Variants in PCDHGA6 observed in about 807,000 individuals in gnomAD.
PCDHGA6 encodes the protein protocadherin gamma subfamily A, 6.
In PCDHGA6, 41 loss-of-function variants were observed where a neutral mutation model predicts 60.6. The ratio of observed to expected loss-of-function variants is 0.68; its 90% CI spans 0.53 to 0.88. PCDHGA6 has a LOEUF of 0.88. Ranked by LOEUF, PCDHGA6 falls within the 40% of genes least tolerant of loss-of-function variation. The pLI is 0.00. For synonymous variants in PCDHGA6, 594 were observed against 524.4 expected (o/e 1.13, Z -1.81); for missense variants, 1,312 against 1,203.0 (o/e 1.09, Z -1.34).
chr5:141,490,833 G>C lies in PCDHGA6; in HGVS notation c.2425-3974G>C, dbSNP rs781529579. ...ACTATGAATTGCTGCAGATGCTGCA[G>C]ATTGTGGTGGGGGTTCGAGACTCCG... On this transcript the variant is annotated intron_variant, in intron 1 of 3. Coordinates refer to ENST00000517434, the MANE Select transcript of PCDHGA6 (RefSeq NM_018919.3). This position sits in a 1 kb window ranked among gnomAD's most constrained non-coding sequence, Gnocchi z 5.4. The C allele has an allele frequency of 6.2e-7, 1 of 1,613,932 alleles. No homozygotes were observed. Among genetic ancestry groups the C allele is most frequent in the East Asian group, 2.2e-5 (1 of 44,884 alleles).
chr5:141,377,736 G>A (rs1308540994), intron 1 of PCDHGA6: 1 of 152,060 alleles, frequency 6.6e-6, no homozygotes, highest in African/African-American at 2.4e-5. Flanking sequence ...AAGAATCATT[G>A]GTAACTGCAG....
chr5:141,510,613 C>T (rs559713771), intron 3 of PCDHGA6, among the ~76,000 whole-genome samples: 17 of 152,298 alleles, frequency 1.1e-4, no homozygotes, highest in Admixed American at 2.0e-4. Context: ...TTAGCATTCA[C>T]TAAAACCAGA....
intron 1 of PCDHGA6, chr5:141,404,933 A>C (rs2094586796): frequency 6.2e-7 from 1 of 1,613,764 alleles, no homozygotes; most frequent in Non-Finnish European, 8.5e-7. Flanking sequence ...TGTCACGCTC[A>C]CAGTAGCCAT....
chr5:141,417,910 A>G (rs1339671115), intron 1 of PCDHGA6: 2 of 1,599,246 alleles, frequency 1.3e-6, no homozygotes, highest in East Asian at 2.3e-5. Flanking sequence ...GGCAGGTACT[A>G]TTTCCTTTGC....
chr5:141,427,320 G>A (rs920149276), intron 1 of PCDHGA6: 5 of 456,968 alleles, frequency 1.1e-5, no homozygotes, highest in Non-Finnish European at 1.8e-5. Context: ...CCCAGACGTG[G>A]TTTTTACTTC....
At chr5:141,469,314 C>A (rs982242861) in intron 1 of PCDHGA6, among the ~76,000 whole-genome samples, 1 of 151,982 alleles carries the variant, frequency 6.6e-6, no homozygotes, top group Non-Finnish European at 1.5e-5. Flanking sequence ...CGATGGCTCA[C>A]GCCTGTAATC....
chr5:141,421,926 C>T, intron 1 of PCDHGA6: 1 of 1,613,460 alleles, frequency 6.2e-7, no homozygotes, highest in Non-Finnish European at 8.5e-7. Context: ...GTGTGGTGGT[C>T]CTCGATGTAA....
Position 141,494,802 on chromosome 5 carries a change from C to T in PCDHGA6, c.2425-5C>T. 5 of 1,614,120 alleles carry T rather than the reference C, an allele frequency of 3.1e-6. No individual in the cohort carries two copies. The highest frequency in any genetic ancestry group is 4.2e-6 in the Non-Finnish European group (5 of 1,180,016). ...TCAGCCCCTTTCCCTCTGTTTTCTC[C>T]ACAGCAAGCCCCGCCCAACACGGAC... is the stretch of plus-strand genomic sequence containing the variant. On this transcript the variant is annotated splice_polypyrimidine_tract_variant and splice_region_variant and intron_variant, in intron 1 of 3. Transcript: ENST00000517434.
chr5:141,478,774 G>T (rs1019315910), intron 1 of PCDHGA6: 1 of 1,496,268 alleles, frequency 6.7e-7, no homozygotes, highest in African/African-American at 1.4e-5. Flanking sequence ...ACTCATCTGT[G>T]GACCTAATTC....
At chr5:141,394,989 C>T in intron 1 of PCDHGA6, 1 of 1,614,030 alleles carries the variant, frequency 6.2e-7, no homozygotes. Flanking sequence ...ACGCCTGCTC[C>T]AGGATTCCGG....
intron 1 of PCDHGA6, chr5:141,389,441 C>T: frequency 6.2e-7 from 1 of 1,610,584 alleles, no homozygotes; most frequent in South Asian, 1.1e-5. Context: ...GCGCCTTCGA[C>T]CACGAGCAGC....
chr5:141,474,847 GCCTTCT>G (rs906863967), intron 1 of PCDHGA6, among the ~76,000 whole-genome samples: 3 of 152,198 alleles, frequency 2.0e-5, no homozygotes, highest in African/African-American at 7.2e-5. Context: ...CACTTTACCT[GCCTTCT>G]TCATTTAATA....
intron 1 of PCDHGA6, among the ~76,000 whole-genome samples, chr5:141,472,561 T>C (rs1000220187): frequency 2.6e-5 from 4 of 151,632 alleles, no homozygotes; most frequent in African/African-American, 9.7e-5. Flanking sequence ...AATTATATTA[T>C]AAATGCTGCA....
chr5:141,427,268 A>G (rs1433017911), intron 1 of PCDHGA6: 7 of 456,648 alleles, frequency 1.5e-5, no homozygotes, highest in Non-Finnish European at 3.1e-5. Flanking sequence ...TGACCAGCGA[A>G]TGTAAAATTA....
intron 1 of PCDHGA6, chr5:141,393,809 A>G (rs566306926): frequency 1.9e-6 from 3 of 1,613,982 alleles, no homozygotes; most frequent in African/African-American, 1.3e-5. Context: ...GGAGGACCAA[A>G]TTGCTCATTT....
intron 1 of PCDHGA6, among the ~76,000 whole-genome samples, chr5:141,468,193 C>T (rs2099159672): frequency 6.6e-6 from 1 of 151,600 alleles, no homozygotes; most frequent in Non-Finnish European, 1.5e-5. Flanking sequence ...GGCATGGTGG[C>T]GGGTGCCTGT....
At chr5:141,467,627 G>A (rs2099147481) in intron 1 of PCDHGA6, among the ~76,000 whole-genome samples, 1 of 152,140 alleles carries the variant, frequency 6.6e-6, no homozygotes, top group South Asian at 2.1e-4. Context: ...ATTTGAGATA[G>A]CATCTTTATC....
At chr5:141,499,289 C>T in intron 2 of PCDHGA6, among the ~76,000 whole-genome samples, 1 of 152,212 alleles carries the variant, frequency 6.6e-6, no homozygotes, top group African/African-American at 2.4e-5. Context: ...GATGGCTCCA[C>T]ACTACCATCC....
chr5:141,410,837 TTTTGTC>T, intron 1 of PCDHGA6: 3 of 501,732 alleles, frequency 6.0e-6, no homozygotes. Context: ...ACTGAAGATA[TTTTGTC>T]TTTGTCTTTT....
Sources: allele counts gnomAD v4.1 joint callset (sites outside exome capture counted in the v4.1 genomes callset), GRCh38; gene constraint gnomAD v4.1.1; non-coding constraint Gnocchi (gnomAD v3.1); transcripts MANE v1.5; gene names NCBI Gene and HGNC (gene_info 2026-07-23, HGNC 2026-07-21).